AKAP7: variants seen among roughly 807,000 people sequenced by gnomAD.
AKAP7 encodes A-kinase anchoring protein 7, also known as A kinase (PRKA) anchor protein 7.
Under a neutral mutation model 39.5 loss-of-function variants are expected in AKAP7, and 39 were observed. The ratio of observed to expected loss-of-function variants is 0.99; its 90% CI spans 0.76 to 1.29. The LOEUF is 1.29. Among genes scored for constraint, AKAP7 ranks in the 50% most tolerant of loss-of-function variants. AKAP7 has a pLI of 0.00. For synonymous variants in AKAP7, 140 were observed against 139.1 expected, an observed-to-expected ratio of 1.01 and a Z score of -0.05; for missense variants, 414 against 407.7, an observed-to-expected ratio of 1.02 and a Z score of -0.13.
At chr6:131,225,608 T>C (rs1251738400) in intron 7 of AKAP7, among the ~76,000 whole-genome samples, 1 of 152,174 alleles carries the variant, frequency 6.6e-6, no homozygotes, top group Non-Finnish European at 1.5e-5. Flanking sequence ...CCATTATGAT[T>C]AGCATTATCT....
intron 7 of AKAP7, among the ~76,000 whole-genome samples, chr6:131,247,820 G>A (rs1812158984): frequency 6.6e-6 from 1 of 152,012 alleles, no homozygotes; most frequent in East Asian, 1.9e-4. Flanking sequence ...TGTAGAGATG[G>A]GGTCTCACTG....
At chr6:131,263,994 C>A (rs1386400131) in intron 7 of AKAP7, among the ~76,000 whole-genome samples, 3 of 152,180 alleles carry the variant, frequency 2.0e-5, no homozygotes, top group African/African-American at 7.2e-5. Flanking sequence ...TTTTTCCCCC[C>A]ATTCTTTACT....
intron 7 of AKAP7, among the ~76,000 whole-genome samples, chr6:131,236,372 T>A (rs2128309394): frequency 6.6e-6 from 1 of 152,348 alleles, no homozygotes; most frequent in East Asian, 1.9e-4. Context: ...GGCTTAGGAT[T>A]GCCTTGGCAA....
chr6:131,200,976 A>G (rs1011641588), intron 6 of AKAP7: 1 of 152,178 alleles, frequency 6.6e-6, no homozygotes, highest in Non-Finnish European at 1.5e-5. Flanking sequence ...AGAGCACCCA[A>G]GGACATTTAT....
At chr6:131,169,497 T>C (rs1328190655) in intron 5 of AKAP7, among the ~76,000 whole-genome samples, 1 of 152,322 alleles carries the variant, frequency 6.6e-6, no homozygotes, top group East Asian at 1.9e-4. Context: ...ATAGGAGTTA[T>C]TGGTTGCCTA....
At chr6:131,276,604 C>A (rs1235492884) in intron 7 of AKAP7, among the ~76,000 whole-genome samples, 1 of 151,498 alleles carries the variant, frequency 6.6e-6, no homozygotes, top group South Asian at 2.1e-4. Context: ...GCATCGGGAA[C>A]AGGAAGTTCC....
At chr6:131,188,384 G>A (rs908525076) in intron 5 of AKAP7, among the ~76,000 whole-genome samples, 3 of 152,126 alleles carry the variant, frequency 2.0e-5, no homozygotes, top group Non-Finnish European at 2.9e-5. Flanking sequence ...TTCAGGTGAC[G>A]AAAAGTGATT....
At chr6:131,244,720 T>C (rs985793907) in intron 7 of AKAP7, among the ~76,000 whole-genome samples, 1 of 152,344 alleles carries the variant, frequency 6.6e-6, no homozygotes, top group East Asian at 1.9e-4. Flanking sequence ...CTCTTGTGGA[T>C]TGGTGAAGAA....
At chr6:131,266,419 A>C (rs907712558) in intron 7 of AKAP7, among the ~76,000 whole-genome samples, 1 of 152,226 alleles carries the variant, frequency 6.6e-6, no homozygotes, top group Non-Finnish European at 1.5e-5. Context: ...TTTACATGTC[A>C]TCAGTGTACT....
chr6:131,159,980 T>C (rs1562872217), intron 2 of AKAP7, 79 bp from the exon 3 acceptor site: 3 of 1,281,288 alleles, frequency 2.3e-6, no homozygotes, highest in South Asian at 3.2e-5. Flanking sequence ...TTGCTACTTA[T>C]ATATTGCTTG....
intron 2 of AKAP7, among the ~76,000 whole-genome samples, chr6:131,156,111 T>C (rs1802393558): frequency 6.6e-6 from 1 of 152,222 alleles, no homozygotes; most frequent in Admixed American, 6.5e-5. Flanking sequence ...TCTCAACTGC[T>C]GTTTTCCCTT....
intron 2 of AKAP7, among the ~76,000 whole-genome samples, chr6:131,153,280 C>T (rs911195812): frequency 6.6e-6 from 1 of 152,134 alleles, no homozygotes; most frequent in Non-Finnish European, 1.5e-5. Flanking sequence ...TTTTCCCCAT[C>T]TGTCATTAGG....
At chr6:131,188,388 A>C (rs1225908000) in intron 5 of AKAP7, among the ~76,000 whole-genome samples, 1 of 152,214 alleles carries the variant, frequency 6.6e-6, no homozygotes, top group Non-Finnish European at 1.5e-5. Context: ...GGTGACGAAA[A>C]GTGATTTTAA....
chr6:131,214,626 C>T (rs1808976951), intron 6 of AKAP7, among the ~76,000 whole-genome samples: 1 of 152,144 alleles, frequency 6.6e-6, no homozygotes, highest in Admixed American at 6.5e-5. Context: ...TAAGTAGCAT[C>T]TATGAATTCT....
chr6:131,227,518 A>T (rs1168215760), intron 7 of AKAP7, among the ~76,000 whole-genome samples: 2 of 152,250 alleles, frequency 1.3e-5, no homozygotes, highest in Non-Finnish European at 2.9e-5. Flanking sequence ...AACAAGGATG[A>T]TGTTTAATAC....
At chr6:131,190,261 G>A (rs1449734085) in intron 5 of AKAP7, among the ~76,000 whole-genome samples, 1 of 152,128 alleles carries the variant, frequency 6.6e-6, no homozygotes, top group Non-Finnish European at 1.5e-5. Context: ...AAACAGTATT[G>A]TGAATAAATA....
intron 6 of AKAP7, among the ~76,000 whole-genome samples, chr6:131,211,903 T>C (rs1808697440): frequency 6.6e-6 from 1 of 152,054 alleles, no homozygotes; most frequent in Non-Finnish European, 1.5e-5. Context: ...AAGTTAAAAA[T>C]GCATTTAATA....
Position 131,282,868 on chromosome 6 carries a change from T to G in AKAP7, c.*1142T>G, listed in dbSNP as rs1459027797. 1.9e-5 allele frequency: 6 copies of G among 314,666 alleles called. No homozygotes were observed. Among genetic ancestry groups the G allele is most frequent in the Non-Finnish European group, 3.5e-5 (6 of 171,514 alleles). 19.5% of individuals were successfully genotyped at this position (314,666 alleles called of 1,614,324 possible). On this transcript the variant is annotated 3_prime_UTR_variant, in exon 8 of 8. Coordinates refer to ENST00000431975, the MANE Select transcript of AKAP7 (RefSeq NM_016377.4). ...TTCTTAATTAGCTGTTGTGAGATAT[T>G]TCTCGGGTCCTTGCAGAAAAAAACA...
At chr6:131,270,914 T>C (rs1331256788) in intron 7 of AKAP7, among the ~76,000 whole-genome samples, 1 of 152,216 alleles carries the variant, frequency 6.6e-6, no homozygotes, top group Admixed American at 6.5e-5. Context: ...CGTTTTTGTA[T>C]TTGGTTGCTT....
Sources: gnomAD v4.1 joint callset for allele counts (sites outside exome capture counted in the v4.1 genomes callset) on GRCh38, gnomAD v4.1.1 for gene constraint, MANE v1.5 for transcripts, NCBI Gene and HGNC (gene_info 2026-07-23, HGNC 2026-07-21) for gene names.